Variants in LGSN observed in about 807,000 individuals in gnomAD.
LGSN encodes the protein lengsin.
A neutral mutation model predicts 19.5 loss-of-function variants in LGSN; 21 were observed. The observed-to-expected ratio is 1.07, with a 90% CI of 0.76 to 1.55. The LOEUF (loss-of-function observed/expected upper bound fraction) is 1.55. LGSN is among the 40% of genes most tolerant of loss of function. The pLI is 0.00. For synonymous variants in LGSN, 257 were observed against 215.6 expected (o/e 1.19, Z -1.68); for missense variants, 673 against 608.5 (o/e 1.11, Z -1.12).
At chr6:63,396,327 C>A in the LGSN span, 1 of 225,662 alleles carries the variant, frequency 4.4e-6, no homozygotes, top group Non-Finnish European at 9.1e-6. Context: ...TAAATTCTGG[C>A]CTGGTCTCAG....
chr6:63,489,206 A>G, the LGSN span, among the ~76,000 whole-genome samples: 2 of 152,214 alleles, frequency 1.3e-5, no homozygotes, highest in Non-Finnish European at 2.9e-5. Flanking sequence ...TTTTTGCTGT[A>G]CGAAATTAGC....
At chr6:63,337,170 G>A in the LGSN span, among the ~76,000 whole-genome samples, 3 of 151,638 alleles carry the variant, frequency 2.0e-5, no homozygotes, top group Admixed American at 6.6e-5. Context: ...TGATCTGCCC[G>A]CCTCGGTCTC....
chr6:63,508,289 T>C, the LGSN span, among the ~76,000 whole-genome samples: 1 of 152,176 alleles, frequency 6.6e-6, no homozygotes, highest in African/African-American at 2.4e-5. Context: ...TAAAAACTGG[T>C]TATAGAGATA....
chr6:63,439,778 C>A, the LGSN span, among the ~76,000 whole-genome samples: 2 of 152,302 alleles, frequency 1.3e-5, no homozygotes, highest in East Asian at 3.9e-4. Context: ...AAGTCCCACC[C>A]CACTGCATCA....
At chr6:63,467,249 A>G in the LGSN span, among the ~76,000 whole-genome samples, 1 of 148,516 alleles carries the variant, frequency 6.7e-6, no homozygotes, top group Non-Finnish European at 1.5e-5. Flanking sequence ...AAACAATAAA[A>G]AAGAAAGTAA....
the LGSN span, chr6:63,441,007 G>A: frequency 6.0e-6 from 1 of 165,864 alleles, no homozygotes; most frequent in African/African-American, 2.4e-5. Flanking sequence ...AGAAGTTCAA[G>A]ACCAGCCTGA....
rs1409458141 is a variant in LGSN at position 63,280,369 on chromosome 6, A to G, written c.1182T>C (p.Asn394=). ...TGCCTTTCTCTCCATGACATTTGAT[A>G]TTAAATATACAGCTGTTGTCATTGT... ...WGYNDNSCIF[N]IKCHGEKGTR... is the part of the protein sequence containing the mutation. Residue 394 remains asparagine (N), a synonymous_variant, in exon 4 of 4, where the codon AAT becomes AAC. Coordinates refer to ENST00000370657, the MANE Select transcript of LGSN (RefSeq NM_016571.3). 1 of 1,614,142 alleles carries G rather than the reference A, an allele frequency of 6.2e-7. No individual in the cohort carries two copies. The highest frequency in any genetic ancestry group is 1.7e-5 in the Admixed American group (1 of 60,014).
the LGSN span, among the ~76,000 whole-genome samples, chr6:63,505,149 C>G: frequency 6.7e-6 from 1 of 149,072 alleles, no homozygotes; most frequent in African/African-American, 2.5e-5. Context: ...CCTCTGCTTC[C>G]TCATTCCTGT....
At chr6:63,514,536 G>A in the LGSN span, among the ~76,000 whole-genome samples, 5 of 152,016 alleles carry the variant, frequency 3.3e-5, no homozygotes, top group East Asian at 1.9e-4. Flanking sequence ...CCTCTTTGAC[G>A]TTTTATCATA....
chr6:63,547,436 T>A, the LGSN span, among the ~76,000 whole-genome samples: 1 of 151,362 alleles, frequency 6.6e-6, no homozygotes, highest in Non-Finnish European at 1.5e-5. Flanking sequence ...GTGATTAATC[T>A]GCCTCGGCCT....
chr6:63,512,048 A>G, the LGSN span, among the ~76,000 whole-genome samples: 1 of 151,856 alleles, frequency 6.6e-6, no homozygotes, highest in Non-Finnish European at 1.5e-5. Context: ...CTCAGTCGTC[A>G]TTAAGGACTC....
At chr6:63,560,059 A>T in the LGSN span, among the ~76,000 whole-genome samples, 2 of 152,350 alleles carry the variant, frequency 1.3e-5, no homozygotes, top group East Asian at 1.9e-4. Context: ...ATTTCATAAC[A>T]TATCTAACCA....
chr6:63,493,903 C>A, the LGSN span, among the ~76,000 whole-genome samples: 1 of 151,636 alleles, frequency 6.6e-6, no homozygotes, highest in African/African-American at 2.4e-5. Flanking sequence ...GGAGGTGAAT[C>A]ATTGTATCTC....
chr6:63,334,439 CTAATGAAAG>C, the LGSN span, among the ~76,000 whole-genome samples: 53 of 152,174 alleles, frequency 3.5e-4, no homozygotes, highest in African/African-American at 1.2e-3. Context: ...CTACAAAACA[CTAATGAAAG>C]TAATTGAAGA....
the LGSN span, among the ~76,000 whole-genome samples, chr6:63,333,027 T>TA: frequency 3.3e-5 from 5 of 151,968 alleles, no homozygotes; most frequent in African/African-American, 1.2e-4. Flanking sequence ...CGGTGAGTGT[T>TA]ACAGCTCATA....
At chr6:63,402,691 G>T in the LGSN span, among the ~76,000 whole-genome samples, 2 of 152,044 alleles carry the variant, frequency 1.3e-5, no homozygotes, top group Non-Finnish European at 2.9e-5. Flanking sequence ...AAATTAGATG[G>T]GTGATGTGAT....
At chr6:63,548,805 C>T in the LGSN span, 50 of 735,148 alleles carry the variant, frequency 6.8e-5, no homozygotes, top group Admixed American at 2.7e-4. Context: ...TCCCCAGTGA[C>T]GGCGGATCTC....
At chr6:63,316,292 G>C (rs963434034) in intron 1 of LGSN, among the ~76,000 whole-genome samples, 2 of 152,120 alleles carry the variant, frequency 1.3e-5, no homozygotes, top group African/African-American at 4.8e-5. Context: ...AAATGATATA[G>C]CTGCTCCCAT....
chr6:63,333,389 T>C, the LGSN span, among the ~76,000 whole-genome samples: 422 of 143,990 alleles, frequency 2.9e-3, 3 homozygotes, highest in African/African-American at 0.01. Context: ...TATTCTACAA[T>C]GCAAGCATTA....
Sources: allele counts gnomAD v4.1 joint callset (sites outside exome capture counted in the v4.1 genomes callset), GRCh38; gene constraint gnomAD v4.1.1; transcripts MANE v1.5; gene names NCBI Gene and HGNC (gene_info 2026-07-23, HGNC 2026-07-21).